CTDSPL2: variants seen among roughly 807,000 people sequenced by gnomAD.
CTDSPL2 encodes CTD small phosphatase like 2, also known as CTD small phosphatase-like protein 2.
CTDSPL2 carries 5 observed loss-of-function variants against 60.0 expected under a neutral mutation model. The observed-to-expected ratio is 0.08, with a 90% confidence interval of 0.04 to 0.18. CTDSPL2 has a LOEUF of 0.18. CTDSPL2 is among the 10% of genes least tolerant of loss of function. The probability of loss-of-function intolerance (pLI) is 1.00; values close to 1 mark genes in which losing one functional copy is unlikely to be tolerated. For synonymous variants in CTDSPL2, 186 were observed against 189.3 expected (o/e 0.98, Z 0.14); for missense variants, 370 against 548.8 (o/e 0.67, Z 3.26).
chr15:44,468,049 T>G (rs1482784210), intron 2 of CTDSPL2, among the ~76,000 whole-genome samples: 3 of 152,178 alleles, frequency 2.0e-5, no homozygotes, highest in African/African-American at 7.2e-5. Context: ...GGATTAAGAT[T>G]AAGCTGGTGC....
At chr15:44,498,461 G>A (rs1469524935) in intron 7 of CTDSPL2, among the ~76,000 whole-genome samples, 1 of 152,124 alleles carries the variant, frequency 6.6e-6, no homozygotes, top group Non-Finnish European at 1.5e-5. Flanking sequence ...TGTTGCAAGC[G>A]TGTAGTCCCA....
intron 8 of CTDSPL2, chr15:44,501,819 G>C: frequency 2.9e-6 from 1 of 345,250 alleles, no homozygotes; most frequent in East Asian, 7.5e-5. Context: ...TTAATATTGG[G>C]TACATTCCCT....
intron 2 of CTDSPL2, among the ~76,000 whole-genome samples, chr15:44,465,081 G>T (rs1432115882): frequency 6.6e-6 from 1 of 152,096 alleles, no homozygotes; most frequent in Admixed American, 6.6e-5. Context: ...TCAGGTTAGG[G>T]CTTCAACATA....
intron 8 of CTDSPL2, among the ~76,000 whole-genome samples, chr15:44,505,922 T>A (rs1222830017): frequency 6.6e-6 from 1 of 152,074 alleles, no homozygotes; most frequent in African/African-American, 2.4e-5. Context: ...TTGACTAAAC[T>A]TTTATTAATG....
intron 2 of CTDSPL2, 42 bp from the exon 3 acceptor site, chr15:44,484,182 A>G (rs113840765): frequency 5.9e-6 from 9 of 1,538,130 alleles, no homozygotes; most frequent in Admixed American, 4.1e-5. Context: ...GTAAGGCAGA[A>G]TGATTGTGCT....
chr15:44,435,931 C>T (rs117601129), intron 1 of CTDSPL2, among the ~76,000 whole-genome samples: 4,086 of 152,182 alleles, frequency 0.027, 95 homozygotes, highest in East Asian at 0.1. Context: ...TATAATGCTC[C>T]TATACTTAGT....
chr15:44,464,289 T>C (rs754800104), intron 2 of CTDSPL2, among the ~76,000 whole-genome samples: 6 of 152,278 alleles, frequency 3.9e-5, no homozygotes, highest in Non-Finnish European at 7.4e-5. Flanking sequence ...ACTTTTATAT[T>C]ACAAATGAGG....
At chr15:44,433,457 T>C (rs2079904447) in intron 1 of CTDSPL2, among the ~76,000 whole-genome samples, 1 of 101,282 alleles carries the variant, frequency 9.9e-6, no homozygotes, top group Non-Finnish European at 1.8e-5. Flanking sequence ...TATACATATA[T>C]ATACACACAC....
At chr15:44,464,528 G>T (rs1233139751) in intron 2 of CTDSPL2, among the ~76,000 whole-genome samples, 1 of 152,112 alleles carries the variant, frequency 6.6e-6, no homozygotes, top group Non-Finnish European at 1.5e-5. Flanking sequence ...ACGCTGTCTA[G>T]AAGTCCAAGA....
At chr15:44,473,457 A>G (rs563680395) in intron 2 of CTDSPL2, among the ~76,000 whole-genome samples, 1 of 151,960 alleles carries the variant, frequency 6.6e-6, no homozygotes, top group African/African-American at 2.4e-5. Context: ...CACCACGCCC[A>G]GCTAATATTT....
intron 8 of CTDSPL2, among the ~76,000 whole-genome samples, chr15:44,514,059 T>C (rs79431563): frequency 0.027 from 4,074 of 152,320 alleles, 91 homozygotes; most frequent in East Asian, 0.094. Flanking sequence ...AATAGGAAGA[T>C]TGATTTCTGA....
chr15:44,491,085 T>C, intron 5 of CTDSPL2, 86 bp downstream of exon 5: 1 of 953,254 alleles, frequency 1.0e-6, no homozygotes, highest in Non-Finnish European at 1.6e-6. Context: ...AATGAGCACA[T>C]TATATGCATA....
At chr15:44,509,372 T>G (rs1052916571) in intron 8 of CTDSPL2, among the ~76,000 whole-genome samples, 3 of 151,896 alleles carry the variant, frequency 2.0e-5, no homozygotes, top group South Asian at 2.1e-4. Context: ...GCCCAGCTAA[T>G]TTTTTGCATT....
intron 2 of CTDSPL2, among the ~76,000 whole-genome samples, chr15:44,469,610 G>T (rs74704921): frequency 0.012 from 1,812 of 151,690 alleles, 42 homozygotes; most frequent in East Asian, 0.096. Flanking sequence ...GATTTCTTTG[G>T]TATTTTTTGG....
At chr15:44,519,033 T>G in intron 10 of CTDSPL2, 136 bp from the exon 11 acceptor site, 2 of 485,886 alleles carry the variant, frequency 4.1e-6, no homozygotes, top group South Asian at 9.2e-5. Flanking sequence ...CTTAGACCCA[T>G]ATTTGTGTTT....
chr15:44,481,388 T>C lies in CTDSPL2; in HGVS notation c.187-2836T>C, dbSNP rs116495615. Among the ~76,000 whole-genome samples, 64 of 152,300 alleles carry C rather than the reference T, an allele frequency of 4.2e-4. 1 individual carries two copies. The highest frequency in any genetic ancestry group is 1.3e-3 in the African/African-American group (52 of 41,564). On this transcript the variant is annotated intron_variant, in intron 2 of 12. Transcript: ENST00000260327. ...GCCCCTACAATAATATTATTTAGCTTACTCACTATTGGTAAACAGGGGAGT... is the reference window on the plus strand; with the variant it reads ...GCCCCTACAATAATATTATTTAGCTCACTCACTATTGGTAAACAGGGGAGT...
chr15:44,491,384 A>G (rs1289480881), intron 5 of CTDSPL2, among the ~76,000 whole-genome samples: 2 of 152,204 alleles, frequency 1.3e-5, no homozygotes, highest in African/African-American at 4.8e-5. Context: ...TTGTTTGATT[A>G]CATCAATGAC....
chr15:44,472,348 T>A (rs2080827870), intron 2 of CTDSPL2, among the ~76,000 whole-genome samples: 1 of 152,160 alleles, frequency 6.6e-6, no homozygotes, highest in South Asian at 2.1e-4. Context: ...CAATCAACAC[T>A]TGTAATTGTC....
In CTDSPL2 at chr15:44,528,109, G is replaced by C. The variant is rs1200938787; in HGVS notation, c.*3935G>C. The C allele has an allele frequency of 1.3e-5, 2 of 152,150 alleles. No individual in the cohort carries two copies. Among genetic ancestry groups the C allele is most frequent in the Non-Finnish European group, 2.9e-5 (2 of 68,026 alleles). 9.4% of individuals were successfully genotyped at this position (152,150 alleles called of 1,614,324 possible). On this transcript the variant is annotated 3_prime_UTR_variant, in exon 13 of 13. Transcript: ENST00000260327. Reference sequence around the variant, plus strand: ...TTACTTGCCCAGAGGCAAGAGTTCTGGGGATATAACATGATTTGAGATCTT... The same window carrying C: ...TTACTTGCCCAGAGGCAAGAGTTCTCGGGATATAACATGATTTGAGATCTT...
Sources: gnomAD v4.1 joint callset for allele counts (sites outside exome capture counted in the v4.1 genomes callset) on GRCh38, gnomAD v4.1.1 for gene constraint, MANE v1.5 for transcripts, NCBI Gene and HGNC (gene_info 2026-07-23, HGNC 2026-07-21) for gene names.